Variants in GRM7 observed in about 807,000 individuals in gnomAD.
GRM7 encodes the protein metabotropic glutamate receptor 7.
GRM7 carries 35 observed loss-of-function variants against 84.5 expected under a neutral mutation model. That is an observed-to-expected ratio of 0.41 (90% CI 0.32 to 0.55). The LOEUF is 0.55. GRM7 is among the 20% of genes least tolerant of loss of function. GRM7 has a pLI of 0.19. For missense variants in GRM7, 1,003 were observed against 1,194.6 expected, an observed-to-expected ratio of 0.84 and a Z score of 2.36; for synonymous variants, 487 against 455.1, an observed-to-expected ratio of 1.07 and a Z score of -0.89.
At chr3:7,190,371 C>T (rs891521489) in intron 2 of GRM7, among the ~76,000 whole-genome samples, 7 of 152,022 alleles carry the variant, frequency 4.6e-5, no homozygotes, top group African/African-American at 1.4e-4. Context: ...TGTGCCCAAA[C>T]GGATGTTGTC....
intron 4 of GRM7, among the ~76,000 whole-genome samples, chr3:7,378,689 A>G (rs1456572230): frequency 6.6e-6 from 1 of 152,138 alleles, no homozygotes; most frequent in African/African-American, 2.4e-5. Flanking sequence ...AACATTAGAT[A>G]TTAATATAAT....
intron 4 of GRM7, among the ~76,000 whole-genome samples, chr3:7,352,332 T>G (rs1160657712): frequency 6.6e-6 from 1 of 152,090 alleles, no homozygotes; most frequent in Non-Finnish European, 1.5e-5. Flanking sequence ...TACATGGCAT[T>G]TTTAAACATT....
chr3:7,678,635 T>C (rs1452291886), intron 8 of GRM7, among the ~76,000 whole-genome samples: 1 of 152,264 alleles, frequency 6.6e-6, no homozygotes, highest in Middle Eastern at 3.2e-3. Flanking sequence ...TTGTTTTGTC[T>C]TTCTATGTTA....
intron 2 of GRM7, among the ~76,000 whole-genome samples, chr3:7,173,263 T>C (rs1695042084): frequency 6.6e-6 from 1 of 152,198 alleles, no homozygotes; most frequent in Admixed American, 6.5e-5. Context: ...CTCTCGTCTT[T>C]ACTACTTACA....
intron 4 of GRM7, among the ~76,000 whole-genome samples, chr3:7,317,171 G>A (rs1305870086): frequency 6.6e-6 from 1 of 152,102 alleles, no homozygotes; most frequent in African/African-American, 2.4e-5. Flanking sequence ...TATTGCGTCT[G>A]AGTGATTGGA....
At chr3:7,737,493 T>C (rs1456590926) in intron 9 of GRM7, among the ~76,000 whole-genome samples, 1 of 152,226 alleles carries the variant, frequency 6.6e-6, no homozygotes, top group Non-Finnish European at 1.5e-5. Flanking sequence ...CTCAGTAATT[T>C]TCTTTCCTGA....
In GRM7 at chr3:6,863,014, G is replaced by A. The variant is rs1262102286; in HGVS notation, c.519+1107G>A. The A allele has an allele frequency of 2.2e-6, 1 of 456,138 alleles. No individual in the cohort carries two copies. 28.3% of individuals were successfully genotyped at this position (456,138 alleles called of 1,614,324 possible). On this transcript the variant is annotated intron_variant, in intron 1 of 9. Coordinates refer to ENST00000357716, the MANE Select transcript of GRM7 (RefSeq NM_000844.4). This position sits in a 1 kb window ranked among gnomAD's most constrained non-coding sequence, Gnocchi z 4.8. ...TGAGCTGCACTGGGTAGGAATGAGT[G>A]GCTTTGGGGTTTGGAAATTGAGTTT... is the stretch of plus-strand genomic sequence containing the variant.
Position 7,486,156 on chromosome 3 carries a change from C to A in GRM7, c.1515+24434C>A, listed in dbSNP as rs755794570. ...CTGACTCTGATCTTAGAATATATTTCATTTTGCTCTAAAAGTAGAAAAGAA... is the reference window on the plus strand; with the variant it reads ...CTGACTCTGATCTTAGAATATATTTAATTTTGCTCTAAAAGTAGAAAAGAA... On this transcript the variant is annotated intron_variant, in intron 7 of 9. Transcript: ENST00000357716. This position sits in a 1 kb window ranked among gnomAD's most constrained non-coding sequence, Gnocchi z 5.5. Among the ~76,000 whole-genome samples, 1 of 152,074 alleles carries A rather than the reference C, an allele frequency of 6.6e-6. No individual in the cohort carries two copies. Among genetic ancestry groups the A allele is most frequent in the African/African-American group, 2.4e-5 (1 of 41,400 alleles).
intron 8 of GRM7, among the ~76,000 whole-genome samples, chr3:7,645,358 C>T (rs905841522): frequency 1.3e-5 from 2 of 151,782 alleles, no homozygotes; most frequent in African/African-American, 2.4e-5. Context: ...ACCATCCTGG[C>T]CAACATGGTG....
intron 2 of GRM7, among the ~76,000 whole-genome samples, chr3:7,227,893 G>T (rs1043708371): frequency 6.6e-6 from 1 of 152,152 alleles, no homozygotes; most frequent in African/African-American, 2.4e-5. Context: ...TAGTCCCTAG[G>T]TTAGGGATAG....
chr3:6,987,067 G>C (rs947493484), intron 1 of GRM7, among the ~76,000 whole-genome samples: 6 of 152,080 alleles, frequency 3.9e-5, no homozygotes, highest in Admixed American at 3.9e-4. Context: ...TTCTTGCCTA[G>C]TTTCTTTTCT....
At chr3:7,286,684 C>T (rs1201855701) in intron 2 of GRM7, among the ~76,000 whole-genome samples, 1 of 152,126 alleles carries the variant, frequency 6.6e-6, no homozygotes, top group Non-Finnish European at 1.5e-5. Flanking sequence ...TCACTTGTGT[C>T]TCTTTCTAGA....
At chr3:7,137,228 C>G (rs1275065329) in intron 1 of GRM7, among the ~76,000 whole-genome samples, 3 of 151,996 alleles carry the variant, frequency 2.0e-5, no homozygotes, top group Admixed American at 6.6e-5. Context: ...TTTCCCCTAG[C>G]ATTGTTTCTC....
intron 5 of GRM7, among the ~76,000 whole-genome samples, chr3:7,430,682 C>T (rs764750363): frequency 3.0e-4 from 45 of 152,240 alleles, no homozygotes; most frequent in Non-Finnish European, 5.6e-4. Context: ...TTCATAATAG[C>T]CCAGTTGGGG....
chr3:7,672,794 A>AGAT (rs1405529887), intron 8 of GRM7, among the ~76,000 whole-genome samples: 1 of 151,844 alleles, frequency 6.6e-6, no homozygotes, highest in African/African-American at 2.4e-5. Flanking sequence ...TTTTTAGTAG[A>AGAT]GATGGGGTTT....
intron 5 of GRM7, among the ~76,000 whole-genome samples, chr3:7,426,977 G>A (rs1696636059): frequency 6.6e-6 from 1 of 152,200 alleles, no homozygotes; most frequent in Non-Finnish European, 1.5e-5. Flanking sequence ...AAGGTGCTCA[G>A]CTTGCTGCAC....
At chr3:7,624,765 T>C (rs1697527860) in intron 8 of GRM7, among the ~76,000 whole-genome samples, 1 of 152,178 alleles carries the variant, frequency 6.6e-6, no homozygotes, top group South Asian at 2.1e-4. Context: ...TAGGTGAGCT[T>C]AGTGTTAATC....
intron 8 of GRM7, among the ~76,000 whole-genome samples, chr3:7,611,033 C>T (rs537024080): frequency 6.6e-5 from 10 of 152,194 alleles, no homozygotes; most frequent in East Asian, 5.8e-4. Context: ...GGCTGTGATG[C>T]GAGAGAATAT....
intron 1 of GRM7, among the ~76,000 whole-genome samples, chr3:7,043,351 T>C (rs536272228): frequency 1.3e-5 from 2 of 152,320 alleles, no homozygotes; most frequent in East Asian, 3.9e-4. Flanking sequence ...CTCAGCTTTG[T>C]CTCCCCAATG....
Sources: allele counts gnomAD v4.1 joint callset (sites outside exome capture counted in the v4.1 genomes callset), GRCh38; gene constraint gnomAD v4.1.1; non-coding constraint Gnocchi (gnomAD v3.1); transcripts MANE v1.5; gene names NCBI Gene and HGNC (gene_info 2026-07-23, HGNC 2026-07-21).